Variants in PCDH10 observed in about 807,000 individuals in gnomAD.
PCDH10 encodes the protein protocadherin-10.
PCDH10 carries 15 observed loss-of-function variants against 74.4 expected under a neutral mutation model. That is an observed-to-expected ratio of 0.20 (90% CI 0.13 to 0.31). PCDH10 has a LOEUF of 0.31. Among genes scored for constraint, PCDH10 ranks in the 10% least tolerant of loss-of-function variants. The pLI is 1.00. For synonymous variants in PCDH10, 619 were observed against 589.8 expected (o/e 1.05, Z -0.72); for missense variants, 1,260 against 1,390.2 (o/e 0.91, Z 1.49).
rs1208665551 is a variant in PCDH10 at position 133,152,703 on chromosome 4, G to A, written c.2563G>A (p.Ala855Thr). 8 of 1,614,064 alleles carry A rather than the reference G, an allele frequency of 5.0e-6. No homozygotes were observed. Among genetic ancestry groups the A allele is most frequent in the African/African-American group, 2.7e-5 (2 of 74,906 alleles). ...STDTEHNPCGAIVTGYTDQQP... is the reference protein window; with the variant it reads ...STDTEHNPCGTIVTGYTDQQP... ...GGACACTGAGCACAACCCCTGCGGG[G>A]CCATCGTCACCGGTTACACCGACCA... The change falls in exon 1 of 5, where the codon GCC becomes ACC. Residue 855 changes from alanine (A) to threonine (T), a missense_variant. Ala to Thr is a moderately conservative substitution (Grantham distance 58). This residue lies in a region of PCDH10 where 587 missense variants were observed against 616.9 expected (regional missense o/e 0.95). Coordinates refer to ENST00000264360, the MANE Select transcript of PCDH10 (RefSeq NM_032961.3).
At chr4:133,156,145 A>G (rs1026670029) in intron 3 of PCDH10, among the ~76,000 whole-genome samples, 3 of 152,142 alleles carry the variant, frequency 2.0e-5, no homozygotes, top group African/African-American at 7.2e-5. Flanking sequence ...ATTCCTTAAC[A>G]CACTTGTGGA....
downstream of PCDH10, among the ~76,000 whole-genome samples, chr4:133,199,635 ACT>A (rs571034866): frequency 8.6e-5 from 13 of 151,010 alleles, no homozygotes; most frequent in African/African-American, 2.7e-4. Flanking sequence ...AAGGAAAAAA[ACT>A]CTGCAAAAAA....
At chr4:133,182,646 A>T (rs1207211750) in intron 4 of PCDH10, among the ~76,000 whole-genome samples, 2 of 152,058 alleles carry the variant, frequency 1.3e-5, no homozygotes, top group Non-Finnish European at 2.9e-5. Context: ...GCAGAGAAAG[A>T]TATGTTATAT....
At chr4:133,201,364 A>G (rs547431426) in intron 2 of PCDH10, among the ~76,000 whole-genome samples, 3 of 152,204 alleles carry the variant, frequency 2.0e-5, no homozygotes, top group Non-Finnish European at 4.4e-5. Context: ...CTAACAGTGT[A>G]TAGATGGATG....
At chr4:133,178,244 C>CT (rs1007038642) in intron 4 of PCDH10, among the ~76,000 whole-genome samples, 51 of 150,130 alleles carry the variant, frequency 3.4e-4, no homozygotes, top group African/African-American at 1.1e-3. Context: ...TTTTGTTTTT[C>CT]TTTTTTTTTG....
chr4:133,180,387 G>C (rs954916032), intron 4 of PCDH10, among the ~76,000 whole-genome samples: 7 of 151,942 alleles, frequency 4.6e-5, no homozygotes, highest in Non-Finnish European at 8.8e-5. Context: ...AAGTTTTTAT[G>C]TAACAGTTTG....
Position 133,151,973 on chromosome 4 carries a change from C to A in PCDH10, c.1833C>A (p.Gly611=). ...TRVAAVDADD[G]ENARLTYSIV... is the part of the protein sequence containing the mutation. The stretch of plus-strand genomic sequence containing the variant: ...TGGCCGCCGTGGACGCGGACGACGG[C>A]GAGAACGCCCGGCTCACTTACAGCA... Residue 611 remains glycine, a synonymous_variant, in exon 1 of 5, where the codon GGC becomes GGA. Transcript: ENST00000264360. 1 of 1,612,626 alleles carries A rather than the reference C, an allele frequency of 6.2e-7. No homozygotes were observed. Among genetic ancestry groups the A allele is most frequent in the Non-Finnish European group, 8.5e-7 (1 of 1,179,784 alleles).
rs760385127 is a variant in PCDH10, at chr4:133,150,817, C to A, written c.677C>A (p.Pro226His). ...GGGGGGAGLP[P>H]QQQRTGTALL... ...GGTGGCGGGGGAGCAGGCCTGCCCC[C>A]CCAGCAGCAGCGCACCGGCACGGCC... The change falls in exon 1 of 5, where the codon CCC becomes CAC. Residue 226 changes from proline to histidine, a missense_variant. By Grantham distance (77) the Pro-to-His change is moderately conservative (BLOSUM62 -2). Coordinates refer to ENST00000264360, the MANE Select transcript of PCDH10 (RefSeq NM_032961.3). 5.7e-6 allele frequency: 9 copies of A among 1,588,326 alleles called. No individual in the cohort carries two copies. Among genetic ancestry groups the A allele is most frequent in the South Asian group, 2.3e-5 (2 of 87,402 alleles).
intron 4 of PCDH10, among the ~76,000 whole-genome samples, chr4:133,188,055 A>G (rs1171049396): frequency 6.6e-6 from 1 of 152,160 alleles, no homozygotes; most frequent in Non-Finnish European, 1.5e-5. Context: ...TGAACTAAGA[A>G]AAGAATGTTT....
chr4:133,159,374 AT>A (rs1438179204), intron 3 of PCDH10, among the ~76,000 whole-genome samples: 1 of 152,098 alleles, frequency 6.6e-6, no homozygotes, highest in African/African-American at 2.4e-5. Context: ...AGTCTATCAC[AT>A]CAGCTATCAT....
intron 3 of PCDH10, among the ~76,000 whole-genome samples, 197 bp from the exon 4 acceptor site, chr4:133,162,780 T>A (rs1177699970): frequency 1.3e-5 from 2 of 152,202 alleles, no homozygotes; most frequent in East Asian, 3.9e-4. Flanking sequence ...CTTTTACATT[T>A]GCAGATCATT....
chr4:133,198,296 A>T (rs1727833704), downstream of PCDH10, among the ~76,000 whole-genome samples: 1 of 152,122 alleles, frequency 6.6e-6, no homozygotes, highest in African/African-American at 2.4e-5. Flanking sequence ...ACCAAACAAA[A>T]TTGAATTAAA....
chr4:133,171,999 C>A (rs1485363731), intron 4 of PCDH10, among the ~76,000 whole-genome samples: 1 of 151,780 alleles, frequency 6.6e-6, no homozygotes, highest in Non-Finnish European at 1.5e-5. Flanking sequence ...GAATCTGGAG[C>A]CTTCTCATAA....
At position 133,150,926 on chromosome 4, in the gene PCDH10, C is replaced by G; in HGVS notation, c.786C>G (p.Asn262Lys). ...QPVYTVSLPE[N>K]SPPGTLVIQL... Reference sequence around the variant, plus strand: ...TCTACACTGTGTCCCTACCAGAGAACTCTCCCCCAGGCACTCTCGTGATCC... The same window carrying G: ...TCTACACTGTGTCCCTACCAGAGAAGTCTCCCCCAGGCACTCTCGTGATCC... Residue 262 changes from asparagine to lysine, a missense_variant, in exon 1 of 5, where the codon AAC (asparagine) becomes AAG (lysine). By Grantham distance (94) the Asn-to-Lys change is moderately conservative (BLOSUM62 0). Coordinates refer to ENST00000264360, the MANE Select transcript of PCDH10 (RefSeq NM_032961.3). 1 of 1,613,912 alleles carries G rather than the reference C, an allele frequency of 6.2e-7. No individual in the cohort carries two copies. The highest frequency in any genetic ancestry group is 8.5e-7 in the Non-Finnish European group (1 of 1,180,028).
intron 4 of PCDH10, chr4:133,163,764 T>A: frequency 2.9e-6 from 1 of 350,046 alleles, no homozygotes; most frequent in South Asian, 2.3e-5. Context: ...TTTTATTTCA[T>A]CTACTACAAA....
At chr4:133,157,805 T>A (rs75627968) in intron 3 of PCDH10, among the ~76,000 whole-genome samples, 2,279 of 152,296 alleles carry the variant, frequency 0.015, 53 homozygotes, top group African/African-American at 0.047. Context: ...GTTTTCTTTT[T>A]TTGTTCTATC....
intron 2 of PCDH10, among the ~76,000 whole-genome samples, chr4:133,199,745 C>A (rs1727864481): frequency 1.3e-5 from 2 of 149,378 alleles, no homozygotes; most frequent in South Asian, 2.1e-4. Flanking sequence ...ATTTAAACAA[C>A]TCCACAGTTG....
intron 4 of PCDH10, among the ~76,000 whole-genome samples, chr4:133,172,477 T>C (rs1727222108): frequency 6.6e-6 from 1 of 151,936 alleles, no homozygotes; most frequent in Non-Finnish European, 1.5e-5. Flanking sequence ...AAATCATAAA[T>C]GTATAACTCA....
At chr4:133,154,163 C>T (rs772984783) in intron 1 of PCDH10, 144 bp from the exon 2 acceptor site, 40 of 625,510 alleles carry the variant, frequency 6.4e-5, no homozygotes, top group Non-Finnish European at 1.0e-4. Context: ...ACAGCAATCA[C>T]TAGGATGAGG....
Sources: allele counts gnomAD v4.1 joint callset (sites outside exome capture counted in the v4.1 genomes callset), GRCh38; gene constraint gnomAD v4.1.1; regional missense constraint gnomAD v4.1.1; transcripts MANE v1.5; gene names NCBI Gene and HGNC (gene_info 2026-07-23, HGNC 2026-07-21).